Variants in ANKS1B observed in about 807,000 individuals in gnomAD.
ANKS1B encodes ankyrin repeat and sterile alpha motif domain containing 1B.
A neutral mutation model predicts 148.3 loss-of-function variants in ANKS1B; 36 were observed. That is an observed-to-expected ratio of 0.24 (90% CI 0.19 to 0.32). ANKS1B has a LOEUF of 0.32. Among genes scored for constraint, ANKS1B ranks in the 10% least tolerant of loss-of-function variants. ANKS1B has a pLI of 1.00. For missense variants in ANKS1B, 1,157 were observed against 1,542.6 expected, an observed-to-expected ratio of 0.75 and a Z score of 4.19; for synonymous variants, 542 against 560.8, an observed-to-expected ratio of 0.97 and a Z score of 0.47.
chr12:99,072,820 G>A (rs2046677496), intron 16 of ANKS1B, among the ~76,000 whole-genome samples: 1 of 151,698 alleles, frequency 6.6e-6, no homozygotes, highest in African/African-American at 2.4e-5. Flanking sequence ...TTTTTTTCTG[G>A]GTCCCTCACT....
At position 99,728,403 on chromosome 12, in the gene ANKS1B, T is replaced by C. The variant is rs144714660; in HGVS notation, c.1128+44519A>G. ...TCAACATCACTGATCATTAGAGAAATGCAAATCGAAACTACAGTGAGATAC... is the reference window on the plus strand; with the variant it reads ...TCAACATCACTGATCATTAGAGAAACGCAAATCGAAACTACAGTGAGATAC... On this transcript the variant is annotated intron_variant, in intron 8 of 26. Coordinates refer to ENST00000683438, the MANE Select transcript of ANKS1B (RefSeq NM_001352186.2). Among the ~76,000 whole-genome samples, 157 of 152,256 alleles carry C rather than the reference T, an allele frequency of 1.0e-3. 1 individual carries two copies. Among genetic ancestry groups the C allele is most frequent in the African/African-American group, 3.7e-3 (154 of 41,558 alleles).
At chr12:99,885,847 A>C (rs2092797819) in intron 1 of ANKS1B, among the ~76,000 whole-genome samples, 1 of 152,142 alleles carries the variant, frequency 6.6e-6, no homozygotes, top group African/African-American at 2.4e-5. Context: ...AAGTGAGAAC[A>C]TATGGTATTT....
chr12:99,643,290 A>C (rs923950100), intron 9 of ANKS1B, among the ~76,000 whole-genome samples: 2 of 152,214 alleles, frequency 1.3e-5, no homozygotes, highest in Non-Finnish European at 2.9e-5. Flanking sequence ...CATATAAATC[A>C]AGCATGAGTC....
At chr12:99,609,521 C>T (rs2097881640) in intron 9 of ANKS1B, among the ~76,000 whole-genome samples, 1 of 151,206 alleles carries the variant, frequency 6.6e-6, no homozygotes, top group Non-Finnish European at 1.5e-5. Flanking sequence ...ATGACAAAAG[C>T]CCCTTTGAAT....
At chr12:98,874,615 G>C (rs2099682853) in intron 17 of ANKS1B, among the ~76,000 whole-genome samples, 1 of 152,180 alleles carries the variant, frequency 6.6e-6, no homozygotes, top group Non-Finnish European at 1.5e-5. Flanking sequence ...GGAAGAATAA[G>C]AGTGACAGAG....
At chr12:99,759,777 T>G (rs1244547834) in intron 8 of ANKS1B, among the ~76,000 whole-genome samples, 1 of 151,982 alleles carries the variant, frequency 6.6e-6, no homozygotes, top group Non-Finnish European at 1.5e-5. Context: ...AAAGTTAACT[T>G]CATCATTATC....
intron 17 of ANKS1B, among the ~76,000 whole-genome samples, chr12:99,032,297 T>G (rs966170110): frequency 2.6e-5 from 4 of 152,228 alleles, no homozygotes; most frequent in Non-Finnish European, 5.9e-5. Context: ...TACCATAAAC[T>G]GGGTGGCTTG....
intron 7 of ANKS1B, among the ~76,000 whole-genome samples, 165 bp downstream of exon 7, chr12:99,775,383 T>C (rs1307715641): frequency 1.3e-5 from 2 of 152,190 alleles, no homozygotes; most frequent in African/African-American, 4.8e-5. Context: ...GTTTTCTGCT[T>C]TGCTCACTAC....
At chr12:98,808,690 C>T (rs1257582765) in intron 19 of ANKS1B, among the ~76,000 whole-genome samples, 3 of 152,156 alleles carry the variant, frequency 2.0e-5, no homozygotes, top group African/African-American at 7.2e-5. Context: ...ACTAAACTAA[C>T]CAGCATCCCT....
At chr12:99,605,743 C>A (rs1253144861) in intron 9 of ANKS1B, among the ~76,000 whole-genome samples, 6 of 152,092 alleles carry the variant, frequency 3.9e-5, no homozygotes, top group African/African-American at 1.2e-4. Context: ...CATTGATTGA[C>A]ATTTCAGTTG....
chr12:98,876,585 T>C (rs947692804), intron 17 of ANKS1B, among the ~76,000 whole-genome samples: 1 of 152,200 alleles, frequency 6.6e-6, no homozygotes, highest in Non-Finnish European at 1.5e-5. Context: ...ACTCAAATTA[T>C]GTGTTGAATT....
chr12:99,510,629 T>G (rs1340467298), intron 9 of ANKS1B, among the ~76,000 whole-genome samples: 3 of 152,008 alleles, frequency 2.0e-5, no homozygotes, highest in Non-Finnish European at 4.4e-5. Context: ...AATACACTCC[T>G]GGTGAAGATG....
chr12:98,764,185 C>T (rs1314870998), intron 25 of ANKS1B, among the ~76,000 whole-genome samples: 1 of 152,138 alleles, frequency 6.6e-6, no homozygotes, highest in Non-Finnish European at 1.5e-5. Flanking sequence ...CCCTGCTCCT[C>T]AAAAGAAAAA....
chr12:98,823,450 G>A (rs1309046950), intron 19 of ANKS1B, among the ~76,000 whole-genome samples: 1 of 152,190 alleles, frequency 6.6e-6, no homozygotes, highest in Non-Finnish European at 1.5e-5. Context: ...AAAATCTGAT[G>A]TGACACAGTA....
chr12:99,962,213 C>G lies in ANKS1B; in HGVS notation c.134+21891G>C, dbSNP rs959181406. On this transcript the variant is annotated intron_variant, in intron 1 of 26. Transcript: ENST00000683438. Reference sequence around the variant, plus strand: ...GTTCTCTTCCCTAACCCTCCCACCCCCATCAGGCCCTGGTGTGTGTTGTTC... The same window carrying G: ...GTTCTCTTCCCTAACCCTCCCACCCGCATCAGGCCCTGGTGTGTGTTGTTC... 9.2e-5 allele frequency among the ~76,000 whole-genome samples: 14 copies of G among 152,260 alleles called. 1 individual carries two copies. Among genetic ancestry groups the G allele is most frequent in the African/African-American group, 3.4e-4 (14 of 41,554 alleles).
intron 17 of ANKS1B, among the ~76,000 whole-genome samples, chr12:98,851,885 A>G (rs775925020): frequency 1.3e-5 from 2 of 151,946 alleles, no homozygotes; most frequent in African/African-American, 2.4e-5. Flanking sequence ...TTAGCTGGGC[A>G]TGGTGGTGCA....
intron 8 of ANKS1B, among the ~76,000 whole-genome samples, chr12:99,660,746 T>A (rs1045853759): frequency 6.6e-6 from 1 of 152,192 alleles, no homozygotes; most frequent in Non-Finnish European, 1.5e-5. Context: ...AATGTGATCA[T>A]GTTTTCCTCT....
chr12:99,884,011 T>A (rs1039153384), intron 1 of ANKS1B, among the ~76,000 whole-genome samples: 1 of 151,548 alleles, frequency 6.6e-6, no homozygotes, highest in African/African-American at 2.4e-5. Flanking sequence ...TTAAAAAAAA[T>A]AAATACATGA....
chr12:99,047,614 G>C (rs983402407), intron 17 of ANKS1B, among the ~76,000 whole-genome samples: 4 of 152,190 alleles, frequency 2.6e-5, no homozygotes, highest in African/African-American at 9.6e-5. Flanking sequence ...ATTATGTATA[G>C]AGGAACAACA....
Sources: allele counts gnomAD v4.1 joint callset (sites outside exome capture counted in the v4.1 genomes callset), GRCh38; gene constraint gnomAD v4.1.1; transcripts MANE v1.5; gene names NCBI Gene and HGNC (gene_info 2026-07-23, HGNC 2026-07-21).